ANO4: variants seen among roughly 807,000 people sequenced by gnomAD.
ANO4 encodes anoctamin-4.
A neutral mutation model predicts 141.9 loss-of-function variants in ANO4; 69 were observed. That is an observed-to-expected ratio of 0.49 (90% CI 0.40 to 0.59). ANO4 has a LOEUF of 0.59. ANO4 is among the 20% of genes least tolerant of loss of function. ANO4 has a pLI of 0.00. For missense variants in ANO4, 894 were observed against 1,162.2 expected (o/e 0.77, Z 3.36); for synonymous variants, 350 against 394.3 (o/e 0.89, Z 1.33).
chr12:100,975,132 G>A (rs1256932944), intron 7 of ANO4, among the ~76,000 whole-genome samples: 1 of 151,658 alleles, frequency 6.6e-6, no homozygotes, highest in Admixed American at 6.6e-5. Context: ...ATCTGCAAGT[G>A]TGCTGGGGCT....
intron 1 of ANO4, among the ~76,000 whole-genome samples, chr12:100,817,747 G>A (rs1216476022): frequency 6.6e-6 from 1 of 151,856 alleles, no homozygotes; most frequent in Non-Finnish European, 1.5e-5. Flanking sequence ...TTGGTCAGTG[G>A]AAAAAGATGG....
intron 2 of ANO4, among the ~76,000 whole-genome samples, chr12:100,739,696 A>G (rs926580478): frequency 1.3e-5 from 2 of 152,218 alleles, no homozygotes; most frequent in Non-Finnish European, 2.9e-5. Context: ...AACAAGAGCC[A>G]TCAAGAGGGA....
chr12:100,894,645 T>C (rs2040256897), intron 1 of ANO4, among the ~76,000 whole-genome samples: 1 of 152,078 alleles, frequency 6.6e-6, no homozygotes, highest in African/African-American at 2.4e-5. Flanking sequence ...TGGGAGGGTA[T>C]CAGTCTATTT....
intron 1 of ANO4, among the ~76,000 whole-genome samples, chr12:100,816,469 A>G (rs2035746425): frequency 1.3e-5 from 2 of 152,004 alleles, no homozygotes; most frequent in South Asian, 2.1e-4. Flanking sequence ...AGTATGAAAT[A>G]TTTAAGGAAG....
intron 1 of ANO4, among the ~76,000 whole-genome samples, chr12:100,891,269 A>C (rs2135990571): frequency 6.6e-6 from 1 of 152,350 alleles, no homozygotes; most frequent in Middle Eastern, 3.4e-3. Flanking sequence ...TATGAATAAA[A>C]CTGCTGTAAA....
Position 101,079,494 on chromosome 12 carries a change from G to A in ANO4, c.1395+219G>A, listed in dbSNP as rs651784. 0.65 allele frequency among the ~76,000 whole-genome samples: 99,419 copies of A among 151,948 alleles called. 32,910 individuals are homozygous for A. The highest frequency in any genetic ancestry group is 0.89 in the East Asian group (4,565 of 5,156). Reference sequence around the variant, plus strand: ...TGGAATCAAATCCCTTGATTAAGTGGAGAATTCCACTTGTAGGTAGAGGCA... The same window carrying A: ...TGGAATCAAATCCCTTGATTAAGTGAAGAATTCCACTTGTAGGTAGAGGCA... On this transcript the variant is annotated intron_variant, in intron 15 of 27. Transcript: ENST00000392977.
intron 3 of ANO4, among the ~76,000 whole-genome samples, chr12:100,930,282 T>C (rs574502990): frequency 6.6e-4 from 101 of 152,176 alleles, no homozygotes; most frequent in African/African-American, 2.3e-3. Flanking sequence ...AGAGTTTCTC[T>C]AATGTTTCCT....
chr12:100,836,259 T>G (rs1054883278), intron 1 of ANO4, among the ~76,000 whole-genome samples: 30 of 152,132 alleles, frequency 2.0e-4, no homozygotes, highest in African/African-American at 7.0e-4. Context: ...CTCAGAAGCT[T>G]ATTAATCTAT....
intron 1 of ANO4, among the ~76,000 whole-genome samples, chr12:100,809,699 T>C (rs1298905691): frequency 6.6e-6 from 1 of 152,228 alleles, no homozygotes; most frequent in Non-Finnish European, 1.5e-5. Context: ...TTATATGACA[T>C]GCGCAAGAGG....
intron 14 of ANO4, among the ~76,000 whole-genome samples, chr12:101,057,542 T>C (rs1259183730): frequency 6.6e-6 from 1 of 152,224 alleles, no homozygotes; most frequent in Admixed American, 6.5e-5. Flanking sequence ...CCTGACTTTT[T>C]AGTGATTGCC....
chr12:100,875,056 C>T (rs1229585346), intron 1 of ANO4, among the ~76,000 whole-genome samples: 2 of 152,054 alleles, frequency 1.3e-5, no homozygotes, highest in African/African-American at 4.8e-5. Context: ...TGAGTCAAGG[C>T]TTTGAGGAAC....
At chr12:100,965,958 GAC>G (rs1254214359) in intron 5 of ANO4, among the ~76,000 whole-genome samples, 1 of 152,036 alleles carries the variant, frequency 6.6e-6, no homozygotes, top group Non-Finnish European at 1.5e-5. Flanking sequence ...AAGAGTCCCT[GAC>G]ACAGAGTAGC....
chr12:100,732,837 C>T (rs1364502110), intron 1 of ANO4, among the ~76,000 whole-genome samples: 1 of 152,178 alleles, frequency 6.6e-6, no homozygotes, highest in African/African-American at 2.4e-5. Flanking sequence ...CTACCTCGTG[C>T]ACGAAATGTT....
chr12:101,092,520 G>C (rs2049819769), intron 17 of ANO4, among the ~76,000 whole-genome samples: 1 of 151,952 alleles, frequency 6.6e-6, no homozygotes, highest in Admixed American at 6.6e-5. Flanking sequence ...GGAGATCTCT[G>C]AGCGGCTGTG....
rs527572575 is a variant in ANO4, at chr12:100,835,375, A to T, written c.-141+40348A>T. Among the ~76,000 whole-genome samples, 54 of 152,234 alleles carry T rather than the reference A, an allele frequency of 3.5e-4. 1 individual carries two copies. In the South Asian group the frequency reaches 0.011, roughly 32 times the overall value. On this transcript the variant is annotated intron_variant, in intron 1 of 27. Coordinates refer to ENST00000392977, the MANE Select transcript of ANO4 (RefSeq NM_001286615.2). ...GATTTTCCTTAATCACAGACAGAGG[A>T]GGCTTAGGGAAAGAGATTAAGGAAA...
Position 101,066,685 on chromosome 12 carries a change from C to G in ANO4, c.1313-12508C>G, listed in dbSNP as rs1593176384. On this transcript the variant is annotated intron_variant, in intron 14 of 27. Transcript: ENST00000392977. ...ATGGCCCTGCGGTCGGCGGCCTCCT[C>G]CTGGAGCACAGCAAGGTCAGGTGGC... 1.2e-5 allele frequency: 8 copies of G among 668,538 alleles called. No homozygotes were observed. The South Asian group carries it at 1.3e-4, about 11-fold the overall frequency. The allele number at this position is 668,538 out of a possible 1,614,324, so 41.4% of individuals were successfully genotyped here.
intron 4 of ANO4, among the ~76,000 whole-genome samples, chr12:100,941,878 A>G (rs1171964315): frequency 2.6e-5 from 4 of 151,566 alleles, no homozygotes; most frequent in Non-Finnish European, 5.9e-5. Flanking sequence ...ACTTAACTCA[A>G]TGCTTCTTCC....
intron 1 of ANO4, among the ~76,000 whole-genome samples, chr12:100,869,812 G>A (rs2038945262): frequency 6.6e-6 from 1 of 152,180 alleles, no homozygotes; most frequent in Admixed American, 6.5e-5. Flanking sequence ...AGACTCAACA[G>A]TCTTTATAGT....
At chr12:101,086,618 A>G (rs780802063) in intron 16 of ANO4, 42 bp from the exon 17 acceptor site, 1 of 1,609,492 alleles carries the variant, frequency 6.2e-7, no homozygotes, top group East Asian at 2.2e-5. Context: ...TTCCTGTAAC[A>G]TTCCACCAAG....
Sources: allele counts gnomAD v4.1 joint callset (sites outside exome capture counted in the v4.1 genomes callset), GRCh38; gene constraint gnomAD v4.1.1; transcripts MANE v1.5; gene names NCBI Gene and HGNC (gene_info 2026-07-23, HGNC 2026-07-21).